Variants in CNTNAP4 observed in about 807,000 individuals in gnomAD.
CNTNAP4 encodes contactin associated protein family member 4, also known as contactin-associated protein-like 4.
In CNTNAP4, 98 loss-of-function variants were observed where a neutral mutation model predicts 148.4. The ratio of observed to expected loss-of-function variants is 0.66; its 90% CI spans 0.56 to 0.78. The LOEUF is 0.78. Ranked by LOEUF, CNTNAP4 falls within the 30% of genes least tolerant of loss-of-function variation. CNTNAP4 has a pLI of 0.00. For synonymous variants in CNTNAP4, 730 were observed against 565.1 expected, an observed-to-expected ratio of 1.29 and a Z score of -4.14; for missense variants, 1,935 against 1,565.6, an observed-to-expected ratio of 1.24 and a Z score of -3.98.
intron 8 of CNTNAP4, among the ~76,000 whole-genome samples, chr16:76,459,442 G>A (rs2143369092): frequency 1.5e-5 from 2 of 129,066 alleles, no homozygotes; most frequent in Middle Eastern, 8.8e-3. Flanking sequence ...TGGGTCTTCA[G>A]TAATCTTTTT....
intron 13 of CNTNAP4, among the ~76,000 whole-genome samples, chr16:76,493,186 A>G (rs1035999450): frequency 6.6e-6 from 1 of 152,180 alleles, no homozygotes; most frequent in African/African-American, 2.4e-5. Context: ...AATGGGGTAG[A>G]ACAGGAAGTT....
intron 17 of CNTNAP4, among the ~76,000 whole-genome samples, chr16:76,529,636 T>G (rs1242568655): frequency 6.6e-6 from 1 of 152,234 alleles, no homozygotes; most frequent in East Asian, 1.9e-4. Context: ...CGGGGCTAAA[T>G]TTATTTCAGT....
At chr16:76,444,606 A>G (rs1274018581) in intron 4 of CNTNAP4, among the ~76,000 whole-genome samples, 1 of 152,096 alleles carries the variant, frequency 6.6e-6, no homozygotes, top group Non-Finnish European at 1.5e-5. Context: ...GATTAACTTT[A>G]TGCCACATAA....
rs1465152928 is a variant in CNTNAP4 at position 76,522,023 on chromosome 16, T to C, written c.2537-16T>C. 3.3e-5 allele frequency: 53 copies of C among 1,611,966 alleles called. No homozygotes were observed. Among genetic ancestry groups the C allele is most frequent in the Non-Finnish European group, 4.1e-5 (48 of 1,178,120 alleles). On this transcript the variant is annotated splice_polypyrimidine_tract_variant and intron_variant, in intron 16 of 23. Transcript: ENST00000611870. Reference sequence around the variant, plus strand: ...TAGGAACTCACTAGAACAATCTTTATGTGTAATATTTCCAGCTCCGACAGT... The same window carrying C: ...TAGGAACTCACTAGAACAATCTTTACGTGTAATATTTCCAGCTCCGACAGT...
intron 1 of CNTNAP4, among the ~76,000 whole-genome samples, chr16:76,280,042 A>G (rs80311215): frequency 0.013 from 2,045 of 152,312 alleles, 44 homozygotes; most frequent in African/African-American, 0.046. Context: ...GACTCCAATA[A>G]TTCTTCTGGA....
chr16:76,291,014 A>G (rs1403113254), intron 1 of CNTNAP4, among the ~76,000 whole-genome samples: 1 of 152,056 alleles, frequency 6.6e-6, no homozygotes, highest in Non-Finnish European at 1.5e-5. Flanking sequence ...ATAAGGGGCC[A>G]GTCTTATTGG....
At chr16:76,555,839 A>G (rs35710179) in intron 23 of CNTNAP4, among the ~76,000 whole-genome samples, 42,874 of 152,074 alleles carry the variant, frequency 0.28, 6,067 homozygotes, top group South Asian at 0.35. Flanking sequence ...GGGTCCCTGA[A>G]ACTAGTGATG....
chr16:76,381,972 T>TGGCAGGTGAAC (rs1473857575), intron 3 of CNTNAP4, among the ~76,000 whole-genome samples: 1 of 136,790 alleles, frequency 7.3e-6, no homozygotes, highest in Non-Finnish European at 1.5e-5. Context: ...GGCAGGAGAA[T>TGGCAGGTGAAC]GGCAGGTGAA....
intron 13 of CNTNAP4, among the ~76,000 whole-genome samples, chr16:76,494,270 T>C (rs1038294492): frequency 6.6e-6 from 1 of 152,146 alleles, no homozygotes; most frequent in African/African-American, 2.4e-5. Context: ...AAACTTCCAT[T>C]GAGTGTAATA....
chr16:76,495,108 T>TA, intron 14 of CNTNAP4, 42 bp downstream of exon 14: 1 of 1,601,228 alleles, frequency 6.2e-7, no homozygotes, highest in Non-Finnish European at 8.5e-7. Context: ...AAAGTTCATT[T>TA]AAAAAAATTA....
chr16:76,375,433 A>C (rs1036654934), intron 3 of CNTNAP4, among the ~76,000 whole-genome samples: 3 of 152,204 alleles, frequency 2.0e-5, no homozygotes, highest in East Asian at 1.9e-4. Flanking sequence ...AAAAGGCATA[A>C]ATTTATGAAA....
intron 21 of CNTNAP4, among the ~76,000 whole-genome samples, chr16:76,547,337 G>A (rs2084780654): frequency 6.6e-6 from 1 of 152,006 alleles, no homozygotes; most frequent in Non-Finnish European, 1.5e-5. Flanking sequence ...AACCTCTCAT[G>A]GGAAAATATG....
chr16:76,361,800 C>T (rs531331322), intron 3 of CNTNAP4, among the ~76,000 whole-genome samples: 31 of 152,228 alleles, frequency 2.0e-4, no homozygotes, highest in Non-Finnish European at 3.4e-4. Flanking sequence ...ACTAGGGTTC[C>T]GATTTCTCCA....
At chr16:76,482,676 C>T (rs959538306) in intron 12 of CNTNAP4, among the ~76,000 whole-genome samples, 2 of 152,152 alleles carry the variant, frequency 1.3e-5, no homozygotes, top group African/African-American at 4.8e-5. Flanking sequence ...CCATTGAGGA[C>T]ATTGCCTCAT....
intron 3 of CNTNAP4, among the ~76,000 whole-genome samples, chr16:76,412,905 G>A (rs185117348): frequency 6.6e-6 from 1 of 151,392 alleles, no homozygotes; most frequent in East Asian, 1.9e-4. Context: ...TTACTGTTTT[G>A]CCTTTCACAT....
At chr16:76,378,994 T>C (rs1040310349) in intron 3 of CNTNAP4, among the ~76,000 whole-genome samples, 2 of 152,174 alleles carry the variant, frequency 1.3e-5, no homozygotes, top group African/African-American at 4.8e-5. Flanking sequence ...AGTTTGTGAC[T>C]TCAGACTCAA....
rs373501270 is a variant in CNTNAP4, at chr16:76,369,746, G to A, written c.390+14235G>A. On this transcript the variant is annotated intron_variant, in intron 3 of 23. Coordinates refer to ENST00000611870, the MANE Select transcript of CNTNAP4 (RefSeq NM_033401.5). ...AGTCCCAGCTACTCAGGAGGCTGAG[G>A]CAGGAGGATCGCTTCAGCCTGGGAA... 4.7e-3 allele frequency among the ~76,000 whole-genome samples: 717 copies of A among 152,274 alleles called. 2 individuals are homozygous for A. Among genetic ancestry groups the A allele is most frequent in the African/African-American group, 0.015 (644 of 41,564 alleles).
intron 1 of CNTNAP4, among the ~76,000 whole-genome samples, chr16:76,309,444 C>A (rs1480621120): frequency 6.6e-6 from 1 of 152,042 alleles, no homozygotes; most frequent in African/African-American, 2.4e-5. Context: ...TGGTTGGAGG[C>A]CTTGGCTAGG....
intron 8 of CNTNAP4, among the ~76,000 whole-genome samples, chr16:76,453,877 G>C (rs932030553): frequency 6.6e-6 from 1 of 152,012 alleles, no homozygotes; most frequent in Non-Finnish European, 1.5e-5. Context: ...TCAAAATGTG[G>C]TAGATTTGCT....
Sources: gnomAD v4.1 joint callset for allele counts (sites outside exome capture counted in the v4.1 genomes callset) on GRCh38, gnomAD v4.1.1 for gene constraint, MANE v1.5 for transcripts, NCBI Gene and HGNC (gene_info 2026-07-23, HGNC 2026-07-21) for gene names.